The following ARHGAP17 variants were observed in gnomAD, a reference collection of about 807,000 sequenced individuals.
ARHGAP17 encodes Rho GTPase activating protein 17, also known as rho GTPase-activating protein 17.
A neutral mutation model predicts 99.5 loss-of-function variants in ARHGAP17; 57 were observed. That is an observed-to-expected ratio of 0.57 (90% confidence interval 0.46 to 0.71). ARHGAP17 has a LOEUF of 0.71. Among genes scored for constraint, ARHGAP17 ranks in the 30% least tolerant of loss-of-function variants. The pLI is 0.00. For synonymous variants in ARHGAP17, 417 were observed against 429.6 expected, an observed-to-expected ratio of 0.97 and a Z score of 0.36; for missense variants, 1,000 against 1,122.4, an observed-to-expected ratio of 0.89 and a Z score of 1.56.
intron 19 of ARHGAP17, among the ~76,000 whole-genome samples, chr16:24,928,565 G>A (rs2050900440): frequency 6.6e-6 from 1 of 152,182 alleles, no homozygotes; most frequent in Admixed American, 6.5e-5. Flanking sequence ...ATTTTGGTGT[G>A]TCACAAGCAT....
intron 4 of ARHGAP17, among the ~76,000 whole-genome samples, chr16:24,969,272 ACACGTG>A (rs2052288477): frequency 6.6e-6 from 1 of 151,884 alleles, no homozygotes; most frequent in Non-Finnish European, 1.5e-5. Flanking sequence ...CATACAAAGT[ACACGTG>A]CAGTGATATA....
intron 1 of ARHGAP17, among the ~76,000 whole-genome samples, chr16:24,992,323 G>C (rs1394325039): frequency 6.6e-6 from 1 of 152,054 alleles, no homozygotes; most frequent in Non-Finnish European, 1.5e-5. Context: ...ATGACACATA[G>C]CTATTTTTTC....
chr16:24,955,041 T>A lies in ARHGAP17; in HGVS notation c.725-311A>T, dbSNP rs1236354420. On this transcript the variant is annotated intron_variant, in intron 9 of 19. Transcript: ENST00000289968. The surrounding 1 kb of genome is among the most constrained non-coding windows in gnomAD (Gnocchi z 4.0). Reference sequence around the variant, plus strand: ...CATCAACACACGCCAGCGGGTTTAGTGGGCTGCCTTGAACCAAAAGGAAGA... The same window carrying A: ...CATCAACACACGCCAGCGGGTTTAGAGGGCTGCCTTGAACCAAAAGGAAGA... 3.7e-6 allele frequency: 1 copy of A among 272,240 alleles called. No individual in the cohort carries two copies. Among genetic ancestry groups the A allele is most frequent in the Non-Finnish European group, 6.9e-6 (1 of 145,814 alleles). The allele number at this position is 272,240 out of a possible 1,614,324, so 16.9% of individuals were successfully genotyped here.
At chr16:24,982,982 ATATATATATATATATTTTT>A (rs1388984702) in intron 1 of ARHGAP17, among the ~76,000 whole-genome samples, 1,296 of 32,122 alleles carry the variant, frequency 0.04, 10 homozygotes, top group African/African-American at 0.15. Flanking sequence ...ATATATATAT[ATATATATATATATATTTTT>A]TTTTTTTTTT....
intron 1 of ARHGAP17, among the ~76,000 whole-genome samples, chr16:25,004,255 C>T (rs2053447988): frequency 2.0e-5 from 3 of 152,128 alleles, no homozygotes; most frequent in African/African-American, 7.2e-5. Flanking sequence ...AAGACTCTGC[C>T]TCCATGAAAA....
Position 24,971,567 on chromosome 16 carries a change from A to AGG in ARHGAP17, c.199-988_199-987insCC, listed in dbSNP as rs1365116531. ...TGTCTCAAACTCTTGACCTCAAGTG[A>AGG]TCTGCCCTCCTCAGCCTCCCAAAGT... On this transcript the variant is annotated intron_variant, in intron 3 of 19. Coordinates refer to ENST00000289968, the MANE Select transcript of ARHGAP17 (RefSeq NM_001006634.3). 4.6e-4 allele frequency among the ~76,000 whole-genome samples: 70 copies of AGG among 152,116 alleles called. 2 individuals are homozygous for AGG. Among genetic ancestry groups the AGG allele is most frequent in the Admixed American group, 3.3e-4 (5 of 15,274 alleles).
At position 24,949,489 on chromosome 16, in the gene ARHGAP17, G is replaced by C. The variant is rs895799211; in HGVS notation, c.1047-5C>G. On this transcript the variant is annotated splice_region_variant and splice_polypyrimidine_tract_variant and intron_variant, in intron 12 of 19. Transcript: ENST00000289968. ...TTTTTGTCTTGATCCTGCACACTGA[G>C]AACAAAAACTTTTAAGTACAACAAC... 1.9e-6 allele frequency: 3 copies of C among 1,610,640 alleles called. No individual in the cohort carries two copies. In the Admixed American group the frequency reaches 5.1e-5, roughly 27 times the overall value.
chr16:24,960,941 G>A (rs2051976429), intron 7 of ARHGAP17, among the ~76,000 whole-genome samples: 1 of 151,916 alleles, frequency 6.6e-6, no homozygotes, highest in Admixed American at 6.6e-5. Context: ...GCACAATCTT[G>A]GCTCACTGAA....
intron 16 of ARHGAP17, among the ~76,000 whole-genome samples, chr16:24,941,407 A>G (rs2051307992): frequency 6.6e-6 from 1 of 152,160 alleles, no homozygotes; most frequent in South Asian, 2.1e-4. Context: ...AATCCCATGA[A>G]TTGCCCATAG....
At chr16:24,941,953 A>T (rs1179235984) in intron 16 of ARHGAP17, 34 bp downstream of exon 16, 22 of 1,613,508 alleles carry the variant, frequency 1.4e-5, no homozygotes, top group Non-Finnish European at 1.8e-5. Context: ...CAACATATTT[A>T]CTGCTGGTTT....
At chr16:24,943,631 A>G in intron 15 of ARHGAP17, 140 bp downstream of exon 15, 1 of 707,928 alleles carries the variant, frequency 1.4e-6, no homozygotes, top group South Asian at 1.8e-5. Flanking sequence ...AATGCAATGA[A>G]CAAAGGCTGG....
At chr16:24,934,684 T>C (rs1203563812) in intron 18 of ARHGAP17, among the ~76,000 whole-genome samples, 1 of 151,460 alleles carries the variant, frequency 6.6e-6, no homozygotes. Flanking sequence ...CTCCAACTCC[T>C]GGCCTCAAGC....
chr16:25,005,715 C>T (rs2053486537), intron 1 of ARHGAP17, among the ~76,000 whole-genome samples: 1 of 151,924 alleles, frequency 6.6e-6, no homozygotes, highest in African/African-American at 2.4e-5. Context: ...ACAGAGAAAA[C>T]TCATATAAAG....
chr16:24,935,694 A>AACATACTGC, intron 17 of ARHGAP17, 55 bp from the exon 18 acceptor site: 1 of 1,550,806 alleles, frequency 6.4e-7, no homozygotes, highest in Non-Finnish European at 8.9e-7. Flanking sequence ...AGAAAATCTG[A>AACATACTGC]ACATACTGCA....
At chr16:24,963,465 CAA>C (rs1278905761) in intron 7 of ARHGAP17, among the ~76,000 whole-genome samples, 4 of 151,956 alleles carry the variant, frequency 2.6e-5, no homozygotes, top group African/African-American at 9.7e-5. Flanking sequence ...AATAAAAAAA[CAA>C]TTTTTTTAAA....
At chr16:24,981,750 C>T (rs9944298) in intron 1 of ARHGAP17, among the ~76,000 whole-genome samples, 75,707 of 151,982 alleles carry the variant, frequency 0.5, 20,427 homozygotes, top group African/African-American at 0.72. Flanking sequence ...GTTACTTACA[C>T]TTTTAAGTAG....
chr16:24,951,923 G>A (rs1312521270), intron 12 of ARHGAP17, among the ~76,000 whole-genome samples: 1 of 152,144 alleles, frequency 6.6e-6, no homozygotes, highest in African/African-American at 2.4e-5. Flanking sequence ...TCGCACAGGT[G>A]AGACTGCACA....
rs2051387211 is a variant in ARHGAP17, at chr16:24,943,854, G to C, written c.1250C>G (p.Ala417Gly). Reference protein sequence around the residue: ...LLWARNEGTLAEMAAATSVHV... With the variant: ...LLWARNEGTLGEMAAATSVHV... ...GACGGATGTGGCTGCTGCCATTTCA[G>C]CAAGTGTTCTGCAAAGCAAGTTCAC... Residue 417 changes from alanine to glycine, a missense_variant, in exon 15 of 20, where the codon GCT becomes GGT. Ala to Gly is a moderately conservative substitution (Grantham distance 60). Around this residue, in one of 2 missense-constraint regions of ARHGAP17, gnomAD observed 472 missense variants for 611.1 expected, o/e 0.77. Transcript: ENST00000289968. 6.2e-7 allele frequency: 1 copy of C among 1,614,086 alleles called. No individual in the cohort carries two copies. Among genetic ancestry groups the C allele is most frequent in the Admixed American group, 1.7e-5 (1 of 60,002 alleles).
At chr16:24,987,485 T>TGC (rs2052906996) in intron 1 of ARHGAP17, among the ~76,000 whole-genome samples, 2 of 152,154 alleles carry the variant, frequency 1.3e-5, no homozygotes, top group Non-Finnish European at 2.9e-5. Flanking sequence ...GATTTCTACG[T>TGC]TTTCCCAACT....
Sources: allele counts gnomAD v4.1 joint callset (sites outside exome capture counted in the v4.1 genomes callset), GRCh38; gene constraint gnomAD v4.1.1; regional missense constraint gnomAD v4.1.1; non-coding constraint Gnocchi (gnomAD v3.1); transcripts MANE v1.5; gene names NCBI Gene and HGNC (gene_info 2026-07-23, HGNC 2026-07-21).